The following DSE variants were observed in gnomAD, a reference collection of about 807,000 sequenced individuals.
DSE encodes dermatan-sulfate epimerase.
A neutral mutation model predicts 84.4 loss-of-function variants in DSE; 36 were observed. The ratio of observed to expected loss-of-function variants is 0.43; its 90% CI spans 0.33 to 0.56. The LOEUF is 0.56. Ranked by LOEUF, DSE falls within the 20% of genes least tolerant of loss-of-function variation. DSE has a pLI of 0.06. For synonymous variants in DSE, 410 were observed against 430.1 expected, an observed-to-expected ratio of 0.95 and a Z score of 0.58; for missense variants, 862 against 1,169.6, an observed-to-expected ratio of 0.74 and a Z score of 3.84.
intron 2 of DSE, among the ~76,000 whole-genome samples, chr6:116,351,430 T>G (rs569066066): frequency 6.6e-5 from 10 of 152,198 alleles, no homozygotes; most frequent in Non-Finnish European, 1.5e-4. Flanking sequence ...ATTTAAGAAG[T>G]ATGCTAATAA....
intron 2 of DSE, among the ~76,000 whole-genome samples, chr6:116,414,687 C>T (rs749742801): frequency 4.6e-5 from 7 of 152,236 alleles, no homozygotes; most frequent in Non-Finnish European, 7.3e-5. Flanking sequence ...GCTGGGATTA[C>T]AGGTGTGAGC....
chr6:116,346,606 G>C (rs1423411458), intron 2 of DSE, among the ~76,000 whole-genome samples: 4 of 152,176 alleles, frequency 2.6e-5, no homozygotes, highest in African/African-American at 4.8e-5. Flanking sequence ...ACTAGGTATT[G>C]ATGGGATGTA....
At position 116,436,289 on chromosome 6, in the gene DSE, C is replaced by G. The variant is rs979270278; in HGVS notation, c.1821C>G (p.Ile607Met). ...TVVDGVHGAF[I>M]RQRDGLYKMY... Reference sequence around the variant, plus strand: ...TAGATGGTGTCCATGGGGCTTTCATCAGGCAGAGAGATGGTCTCTATAAAA... The same window carrying G: ...TAGATGGTGTCCATGGGGCTTTCATGAGGCAGAGAGATGGTCTCTATAAAA... Residue 607 changes from isoleucine (I) to methionine (M), a missense_variant, in exon 6 of 6, where the codon ATC (isoleucine) becomes ATG (methionine). Ile to Met is a conservative substitution (Grantham distance 10, BLOSUM62 1). This residue lies in a region of DSE where 186 missense variants were observed against 255.1 expected (regional missense o/e 0.73). Transcript: ENST00000644252. The G allele has an allele frequency of 1.2e-6, 2 of 1,614,122 alleles. No individual in the cohort carries two copies. Among genetic ancestry groups the G allele is most frequent in the African/African-American group, 2.7e-5 (2 of 75,008 alleles).
exon 2 of DSE, chr6:116,258,958 G>A (rs773899172): frequency 1.3e-6 from 2 of 1,499,654 alleles, no homozygotes; most frequent in Non-Finnish European, 1.9e-6. Context: ...ATACCACCCT[G>A]CACTGTGAGG....
In DSE at chr6:116,399,558, G is replaced by A; in HGVS notation, c.308G>A (p.Gly103Glu). 5 of 1,614,218 alleles carry A rather than the reference G, an allele frequency of 3.1e-6. No homozygotes were observed. The highest frequency in any genetic ancestry group is 4.2e-6 in the Non-Finnish European group (5 of 1,180,048). Residue 103 changes from glycine to glutamate, a missense_variant, in exon 2 of 6, where the codon GGA becomes GAA. Physicochemically the swap from Gly to Glu is moderately conservative, Grantham distance 98. Transcript: ENST00000644252. ...AGTGCCCGCTGGAATGAAATTTTTG[G>A]AAACAACTTGGGTGCCTTGGCAATG... is the stretch of plus-strand genomic sequence containing the variant. Reference protein sequence around the residue: ...DYSARWNEIFGNNLGALAMFC... With the variant: ...DYSARWNEIFENNLGALAMFC...
chr6:116,406,345 T>C (rs1781929899), intron 2 of DSE, among the ~76,000 whole-genome samples: 2 of 152,326 alleles, frequency 1.3e-5, no homozygotes, highest in Middle Eastern at 3.4e-3. Flanking sequence ...ATATTAAGTT[T>C]CATGTAGTCT....
At chr6:116,369,204 T>C (rs62425174), upstream of DSE, among the ~76,000 whole-genome samples, 31,765 of 152,166 alleles carry the variant, frequency 0.21, 3,517 homozygotes, top group East Asian at 0.29. Context: ...GAATTTATTA[T>C]AGCTCCCCTG....
At chr6:116,426,885 T>C in intron 3 of DSE, 58 bp downstream of exon 3, 1 of 1,552,642 alleles carries the variant, frequency 6.4e-7, no homozygotes, top group South Asian at 1.2e-5. Flanking sequence ...AGTTGCCATG[T>C]TGTGAGCAAA....
intron 2 of DSE, among the ~76,000 whole-genome samples, chr6:116,360,786 C>A (rs1263778210): frequency 4.6e-5 from 7 of 152,042 alleles, no homozygotes; most frequent in African/African-American, 1.7e-4. Context: ...ATGAATTTGA[C>A]ATTTTTAATT....
At position 116,431,042 on chromosome 6, in the gene DSE, C is replaced by T; in HGVS notation, c.759C>T (p.Gly253=). The part of the protein sequence containing the change: ...SLVLLREVTD[G]SLYEGVAYGS... Reference sequence around the variant, plus strand: ...TCTTGCTCAGGGAGGTGACGGATGGCTCCCTCTATGAAGGAGTTGCGTATG... The same window carrying T: ...TCTTGCTCAGGGAGGTGACGGATGGTTCCCTCTATGAAGGAGTTGCGTATG... Residue 253 remains glycine, a synonymous_variant, in exon 4 of 6, where the codon GGC becomes GGT. Transcript: ENST00000644252. The T allele has an allele frequency of 6.2e-7, 1 of 1,614,152 alleles. No individual in the cohort carries two copies. The highest frequency in any genetic ancestry group is 8.5e-7 in the Non-Finnish European group (1 of 1,180,034).
chr6:116,269,015 CT>C (rs1772757307), intron 2 of DSE, among the ~76,000 whole-genome samples: 3 of 110,086 alleles, frequency 2.7e-5, no homozygotes, highest in Admixed American at 1.1e-4. Context: ...TGTGATAATA[CT>C]TTAAAAAAAA....
intron 5 of DSE, among the ~76,000 whole-genome samples, chr6:116,434,788 C>T (rs893449923): frequency 6.6e-6 from 1 of 152,114 alleles, no homozygotes; most frequent in Non-Finnish European, 1.5e-5. Context: ...ACAGATGAAA[C>T]AGTCAATATC....
At chr6:116,307,864 G>C (rs968455209) in intron 2 of DSE, among the ~76,000 whole-genome samples, 3 of 152,238 alleles carry the variant, frequency 2.0e-5, no homozygotes, top group Non-Finnish European at 2.9e-5. Flanking sequence ...GTTTAGTCAA[G>C]TTCAGGTAAA....
chr6:116,326,975 T>A (rs1338644016), intron 2 of DSE, among the ~76,000 whole-genome samples: 1 of 152,222 alleles, frequency 6.6e-6, no homozygotes, highest in Non-Finnish European at 1.5e-5. Flanking sequence ...TTTATTAACC[T>A]TCACCCATTA....
chr6:116,291,137 G>A (rs564638636), intron 2 of DSE, among the ~76,000 whole-genome samples: 15 of 152,226 alleles, frequency 9.9e-5, no homozygotes, highest in African/African-American at 3.4e-4. Context: ...GTTCATTAGG[G>A]ACCACAGTGT....
At chr6:116,266,268 G>GACATTATTGGACAACTGCA (rs1772625168) in intron 2 of DSE, among the ~76,000 whole-genome samples, 1 of 152,172 alleles carries the variant, frequency 6.6e-6, no homozygotes, top group Non-Finnish European at 1.5e-5. Flanking sequence ...TAGTCTTGCC[G>GACATTATTGGACAACTGCA]ACATTATTGG....
chr6:116,432,991 C>A, intron 4 of DSE: 1 of 220,684 alleles, frequency 4.5e-6, no homozygotes, highest in African/African-American at 2.3e-5. Flanking sequence ...ATTCCAGGTT[C>A]AGAAACCCAA....
chr6:116,363,646 TTAGA>T (rs1194434377), intron 2 of DSE, among the ~76,000 whole-genome samples: 1 of 152,198 alleles, frequency 6.6e-6, no homozygotes, highest in African/African-American at 2.4e-5. Flanking sequence ...AGGCATTTAG[TTAGA>T]TAGTGATTTT....
At chr6:116,399,176 T>C (rs781595401) in intron 1 of DSE, 22 bp from the exon 2 acceptor site, 1 of 1,595,224 alleles carries the variant, frequency 6.3e-7, no homozygotes, top group East Asian at 2.2e-5. Flanking sequence ...CAGACACTTT[T>C]TTTCCTTTTT....
Sources: allele counts gnomAD v4.1 joint callset (sites outside exome capture counted in the v4.1 genomes callset), GRCh38; gene constraint gnomAD v4.1.1; regional missense constraint gnomAD v4.1.1; transcripts MANE v1.5; gene names NCBI Gene and HGNC (gene_info 2026-07-23, HGNC 2026-07-21).